Variants in SH3TC2 observed in about 807,000 individuals in gnomAD.
SH3TC2 encodes SH3 domain and tetratricopeptide repeats 2.
SH3TC2 carries 87 observed loss-of-function variants against 124.5 expected under a neutral mutation model. The ratio of observed to expected loss-of-function variants is 0.70; its 90% confidence interval spans 0.59 to 0.84. The LOEUF is 0.84. SH3TC2 is among the 40% of genes least tolerant of loss of function. SH3TC2 has a pLI of 0.00. For synonymous variants in SH3TC2, 634 were observed against 628.5 expected (o/e 1.01, Z -0.13); for missense variants, 1,536 against 1,566.4 (o/e 0.98, Z 0.33).
At position 149,028,392 on chromosome 5, in the gene SH3TC2, A is replaced by T; in HGVS notation, c.1340T>A (p.Leu447His). 6.2e-7 allele frequency: 1 copy of T among 1,614,106 alleles called. No individual in the cohort carries two copies. The highest frequency in any genetic ancestry group is 8.5e-7 in the Non-Finnish European group (1 of 1,180,012). ...GTCCATGAGCAGTTCCGGGTCATCA[A>T]GGTCATCAGGCTCCGGCAGGCGATA... ...DSYRLPEPDD[L>H]DDPELLMDLS... The change falls in exon 11 of 17, where the codon CTT becomes CAT. Residue 447 changes from leucine to histidine, a missense_variant. Leu to His is a moderately conservative substitution (Grantham distance 99). Around this residue, in one of 3 missense-constraint regions of SH3TC2, gnomAD observed 1,102 missense variants for 1,098.6 expected, o/e 1.00. Transcript: ENST00000515425.
chr5:149,005,971 G>T (rs1177198952), intron 16 of SH3TC2, among the ~76,000 whole-genome samples: 1 of 152,140 alleles, frequency 6.6e-6, no homozygotes, highest in Non-Finnish European at 1.5e-5. Context: ...AAAATAATAA[G>T]AAGTTCTGGG....
chr5:149,044,202 C>T (rs1036658179), intron 4 of SH3TC2: 5 of 313,092 alleles, frequency 1.6e-5, no homozygotes, highest in Non-Finnish European at 3.1e-5. Context: ...TAGTTTAAAA[C>T]ACACACACTA....
Position 149,004,742 on chromosome 5 carries a change from C to G in SH3TC2, c.3836G>C (p.Arg1279Pro). 1 of 1,613,762 alleles carries G rather than the reference C, an allele frequency of 6.2e-7. No homozygotes were observed. Among genetic ancestry groups the G allele is most frequent in the African/African-American group, 1.3e-5 (1 of 75,028 alleles). Reference sequence around the variant, plus strand: ...GGCCAGGCCACCACCACTCAGCCACCGCGCCCTCTCTGAGGAGCACCCGGA... The same window carrying G: ...GGCCAGGCCACCACCACTCAGCCACGGCGCCCTCTCTGAGGAGCACCCGGA... ...RPSGCSSERA[R>P]WLSGGGLAL The change falls in exon 17 of 17, where the codon CGG becomes CCG. Residue 1279 changes from arginine (R) to proline (P), a missense_variant. Around this residue, in one of 3 missense-constraint regions of SH3TC2, gnomAD observed 426 missense variants for 443.5 expected, o/e 0.96. Coordinates refer to ENST00000515425, the MANE Select transcript of SH3TC2 (RefSeq NM_024577.4).
rs1754090424 is a variant in SH3TC2, at chr5:149,027,457, G to T, written c.2275C>A (p.Leu759Met). The T allele has an allele frequency of 3.7e-6, 6 of 1,614,200 alleles. No homozygotes were observed. The highest frequency in any genetic ancestry group is 5.1e-6 in the Non-Finnish European group (6 of 1,180,048). The change falls in exon 11 of 17, where the codon CTG becomes ATG. Residue 759 changes from leucine to methionine, a missense_variant. Leu to Met is a conservative substitution (Grantham distance 15). Transcript: ENST00000515425. Reference protein sequence around the residue: ...ELADRSTQRALCLILSKVYLE... With the variant: ...ELADRSTQRAMCLILSKVYLE... ...TACACTTTGGAAAGGATGAGACACA[G>T]GGCCCTCTGGGTGCTCCGGTCTGCT... is the stretch of plus-strand genomic sequence containing the variant.
rs1754119400 is a variant in SH3TC2 at position 149,028,422 on chromosome 5, T to C, written c.1310A>G (p.Asp437Gly). Reference protein sequence around the residue: ...LEEELLSATSDSYRLPEPDDL... With the variant: ...LEEELLSATSGSYRLPEPDDL... Reference sequence around the variant, plus strand: ...ATCAGGCTCCGGCAGGCGATAGCTGTCTGAGGTGGCCGAGAGGAGCTCCTC... The same window carrying C: ...ATCAGGCTCCGGCAGGCGATAGCTGCCTGAGGTGGCCGAGAGGAGCTCCTC... The change falls in exon 11 of 17, where the codon GAC becomes GGC. Residue 437 changes from aspartate to glycine, a missense_variant. This residue lies in a region of SH3TC2 where 1,102 missense variants were observed against 1,098.6 expected (regional missense o/e 1.00). Coordinates refer to ENST00000515425, the MANE Select transcript of SH3TC2 (RefSeq NM_024577.4). 2 of 1,613,722 alleles carry C rather than the reference T, an allele frequency of 1.2e-6. No homozygotes were observed. The highest frequency in any genetic ancestry group is 2.2e-5 in the South Asian group (2 of 91,076).
Position 149,031,556 on chromosome 5 carries a change from A to G in SH3TC2, c.1133T>C (p.Leu378Pro), listed in dbSNP as rs1429588597. Residue 378 changes from leucine (L) to proline (P), a missense_variant and splice_region_variant, in exon 9 of 17, where the codon CTC becomes CCC. Leu to Pro is a moderately conservative substitution (Grantham distance 98). Coordinates refer to ENST00000515425, the MANE Select transcript of SH3TC2 (RefSeq NM_024577.4). ...ARTDITSVYR[L>P]SGFESIQNPP... is the part of the protein sequence containing the mutation. ...GGTGTCTGAGGACCAACACTCACTG[A>G]GCCGGTAGACAGATGTGATGTCAGT... 1 of 1,613,978 alleles carries G rather than the reference A, an allele frequency of 6.2e-7. No homozygotes were observed. Among genetic ancestry groups the G allele is most frequent in the African/African-American group, 1.3e-5 (1 of 74,912 alleles).
At chr5:149,010,229 T>C in intron 14 of SH3TC2, 41 bp downstream of exon 14, 1 of 1,613,864 alleles carries the variant, frequency 6.2e-7, no homozygotes, top group Non-Finnish European at 8.5e-7. Flanking sequence ...CCCATGCCCG[T>C]GCCAGGACCT....
chr5:149,007,175 T>C (rs2127392043), intron 15 of SH3TC2, 98 bp from the exon 16 acceptor site: 2 of 1,087,612 alleles, frequency 1.8e-6, no homozygotes, highest in Non-Finnish European at 1.4e-6. Context: ...GTCTACTAGA[T>C]GTCAGGGACT....
At chr5:149,044,833 A>C in intron 3 of SH3TC2, 195 bp from the exon 4 acceptor site, 1 of 557,784 alleles carries the variant, frequency 1.8e-6, no homozygotes, top group Non-Finnish European at 3.2e-6. Context: ...ATAAAGTGAA[A>C]TATTGTATTA....
chr5:149,017,985 T>G (rs759956378), intron 12 of SH3TC2, among the ~76,000 whole-genome samples: 2 of 152,250 alleles, frequency 1.3e-5, no homozygotes, highest in Non-Finnish European at 2.9e-5. Context: ...GGAGTACTTG[T>G]GGCAGAGATC....
At chr5:149,029,903 G>C (rs1754153964) in intron 9 of SH3TC2, among the ~76,000 whole-genome samples, 1 of 152,128 alleles carries the variant, frequency 6.6e-6, no homozygotes, top group Non-Finnish European at 1.5e-5. Context: ...AGTAACAACT[G>C]TCTGTGCCAC....
intron 6 of SH3TC2, 114 bp downstream of exon 6, chr5:149,041,302 A>G: frequency 9.1e-7 from 1 of 1,100,136 alleles, no homozygotes; most frequent in East Asian, 2.6e-5. Flanking sequence ...CCCACCCAGA[A>G]TCTGTTCTCT....
chr5:149,016,120 C>T lies in SH3TC2; in HGVS notation c.3054-3386G>A, dbSNP rs79131084. On this transcript the variant is annotated intron_variant, in intron 12 of 16. Transcript: ENST00000515425. ...TTGAGCACTTAGTATGTACTAGGTG[C>T]TTTACACGCAAAATCTCATGTAATC... Among the ~76,000 whole-genome samples the T allele has an allele frequency of 3.5e-3, 526 of 152,304 alleles. 4 individuals carry two copies. The highest frequency in any genetic ancestry group is 0.012 in the African/African-American group (516 of 41,560).
At position 149,000,443 on chromosome 5, in the gene SH3TC2, G is replaced by T. The variant is rs1753579239; in HGVS notation, c.*4268C>A. Among the ~76,000 whole-genome samples the T allele has an allele frequency of 6.6e-6, 1 of 152,154 alleles. No homozygotes were observed. Among genetic ancestry groups the T allele is most frequent in the African/African-American group, 2.4e-5 (1 of 41,428 alleles). On this transcript the variant is annotated 3_prime_UTR_variant, in exon 17 of 17. Transcript: ENST00000515425. ...TGCAATGAGCAACAGGACCTAGCTT[G>T]AAGTTAATGCATTATTTTATTTTCA...
At position 149,022,018 on chromosome 5, in the gene SH3TC2, A is replaced by G. The variant is rs181636886; in HGVS notation, c.3053+4554T>C. ...AAGCTCCGCCTCCCGGGTTCACGCC[A>G]TTCTCCTGCCTCACAAACTCTTTCA... On this transcript the variant is annotated intron_variant, in intron 12 of 16. Coordinates refer to ENST00000515425, the MANE Select transcript of SH3TC2 (RefSeq NM_024577.4). Among the ~76,000 whole-genome samples the G allele has an allele frequency of 4.3e-4, 53 of 124,640 alleles. 5 individuals carry two copies. The East Asian group carries it at 0.013, about 29-fold the overall frequency. 81.8% of individuals were successfully genotyped at this position (124,640 alleles called of 152,430 possible).
Position 149,012,711 on chromosome 5 carries a change from C to T in SH3TC2, c.3077G>A (p.Cys1026Tyr), listed in dbSNP as rs367656036. The change falls in exon 13 of 17, where the codon TGC becomes TAC. Residue 1026 changes from cysteine to tyrosine, a missense_variant. Around this residue, in one of 3 missense-constraint regions of SH3TC2, gnomAD observed 426 missense variants for 443.5 expected, o/e 0.96. Transcript: ENST00000515425. ...TARSLRRSLT[C>Y]IKESLRIFID... Reference sequence around the variant, plus strand: ...GAAGATACGCAGGCTCTCCTTGATGCATGTGAGTGACCTCCTGAGGGACCT... The same window carrying T: ...GAAGATACGCAGGCTCTCCTTGATGTATGTGAGTGACCTCCTGAGGGACCT... 3.7e-5 allele frequency: 60 copies of T among 1,613,990 alleles called. No individual in the cohort carries two copies. The highest frequency in any genetic ancestry group is 4.8e-5 in the Non-Finnish European group (57 of 1,180,034).
At chr5:149,058,738 T>C (rs1754694750) in intron 1 of SH3TC2, among the ~76,000 whole-genome samples, 1 of 152,086 alleles carries the variant, frequency 6.6e-6, no homozygotes, top group Admixed American at 6.6e-5. Context: ...AGGTGGGTAG[T>C]TGTGGGACTA....
rs903477096 is a variant in SH3TC2, at chr5:148,993,315, T to C, written c.*11396A>G. Reference sequence around the variant, plus strand: ...AAAATTCAGTGGCAGAAGCTAAAATTTGACCTAAATAAATTATTGTCAATA... The same window carrying C: ...AAAATTCAGTGGCAGAAGCTAAAATCTGACCTAAATAAATTATTGTCAATA... On this transcript the variant is annotated 3_prime_UTR_variant, in exon 17 of 17. Coordinates refer to ENST00000515425, the MANE Select transcript of SH3TC2 (RefSeq NM_024577.4). Among the ~76,000 whole-genome samples the C allele has an allele frequency of 1.3e-5, 2 of 152,132 alleles. No individual in the cohort carries two copies. Among genetic ancestry groups the C allele is most frequent in the African/African-American group, 2.4e-5 (1 of 41,420 alleles).
chr5:149,033,345 G>T (rs1408788709), intron 8 of SH3TC2, among the ~76,000 whole-genome samples: 1 of 152,098 alleles, frequency 6.6e-6, no homozygotes, highest in East Asian at 1.9e-4. Context: ...AATATGGCAG[G>T]TTAAAGGGCT....
Sources: gnomAD v4.1 joint callset for allele counts (sites outside exome capture counted in the v4.1 genomes callset) on GRCh38, gnomAD v4.1.1 for gene constraint, gnomAD v4.1.1 regional missense constraint, MANE v1.5 for transcripts, NCBI Gene and HGNC (gene_info 2026-07-23, HGNC 2026-07-21) for gene names.